Variants in CCNJL observed in about 807,000 individuals in gnomAD.
CCNJL encodes the protein cyclin-J-like protein.
In CCNJL, 33 loss-of-function variants were observed where a neutral mutation model predicts 33.4. The ratio of observed to expected loss-of-function variants is 0.99; its 90% CI spans 0.75 to 1.32. CCNJL has a LOEUF of 1.32. Ranked by LOEUF, CCNJL falls within the 40% of genes most tolerant of loss-of-function variation. The pLI, the probability that CCNJL is intolerant of heterozygous loss-of-function variation, is 0.00. For missense variants in CCNJL, 512 were observed against 499.7 expected, an observed-to-expected ratio of 1.02 and a Z score of -0.23; for synonymous variants, 227 against 220.9, an observed-to-expected ratio of 1.03 and a Z score of -0.24.
Position 160,253,520 on chromosome 5 carries a change from T to A in CCNJL, c.1022A>T (p.Asp341Val). The part of the protein sequence containing the change: ...HTPYQPLQPL[D>V]MCPVPVPASL... ...TGCAGGGACGGGCACGGGACACATATCCAAGGGCTGCAGCGGTTGGTACGG... is the reference window on the plus strand; with the variant it reads ...TGCAGGGACGGGCACGGGACACATAACCAAGGGCTGCAGCGGTTGGTACGG... Residue 341 changes from aspartate to valine, a missense_variant, in exon 6 of 6, where the codon GAT becomes GTT. Asp to Val is a radical substitution (Grantham distance 152). Transcript: ENST00000257536. The A allele has an allele frequency of 1.2e-6, 2 of 1,614,112 alleles. No homozygotes were observed. Among genetic ancestry groups the A allele is most frequent in the Non-Finnish European group, 1.7e-6 (2 of 1,180,020 alleles).
intron 1 of CCNJL, among the ~76,000 whole-genome samples, chr5:160,337,095 C>G (rs890625971): frequency 8.7e-5 from 13 of 149,212 alleles, no homozygotes; most frequent in African/African-American, 3.2e-4. Context: ...CCTCTGCCTC[C>G]TGGGCTCAAG....
intron 1 of CCNJL, among the ~76,000 whole-genome samples, chr5:160,333,991 C>T (rs1010275615): frequency 4.6e-5 from 7 of 152,140 alleles, no homozygotes; most frequent in African/African-American, 1.4e-4. Context: ...ATCCAACAAT[C>T]GTATTCTCCA....
chr5:160,267,142 TGCATCCCGAGGCCCAAC>T (rs1249743860), intron 3 of CCNJL, among the ~76,000 whole-genome samples: 1 of 152,156 alleles, frequency 6.6e-6, no homozygotes, highest in Non-Finnish European at 1.5e-5. Context: ...GGTTCTCTGC[TGCATCCCGAGGCCCAAC>T]GCACAGCAGG....
intron 2 of CCNJL, among the ~76,000 whole-genome samples, chr5:160,299,168 G>C (rs1762846551): frequency 6.7e-6 from 1 of 148,994 alleles, no homozygotes; most frequent in Admixed American, 6.6e-5. Context: ...TTTTTTTTTT[G>C]AGATGAGTTT....
At chr5:160,339,225 G>C (rs1366990235) in intron 1 of CCNJL, among the ~76,000 whole-genome samples, 3 of 150,318 alleles carry the variant, frequency 2.0e-5, no homozygotes, top group African/African-American at 4.9e-5. Context: ...CCAAGACATG[G>C]ATAATACTTA....
chr5:160,264,405 T>A (rs61591335), intron 3 of CCNJL, among the ~76,000 whole-genome samples: 8,678 of 152,082 alleles, frequency 0.057, 330 homozygotes, highest in South Asian at 0.19. Context: ...TAACACCATT[T>A]CCTGAGGCTG....
intron 3 of CCNJL, among the ~76,000 whole-genome samples, chr5:160,275,909 CA>C (rs1459666778): frequency 1.3e-5 from 2 of 152,164 alleles, no homozygotes; most frequent in Non-Finnish European, 2.9e-5. Context: ...AAAATTACCA[CA>C]TGACCCATAA....
rs1458271513 is a variant in CCNJL at position 160,321,070 on chromosome 5, CTT to C, written n.207-5567_207-5566del. On this transcript the variant is annotated intron_variant and non_coding_transcript_variant, in intron 1 of 7. Coordinates refer to the CCNJL transcript ENST00000377503. Reference sequence around the variant, plus strand: ...TCTTTCTTTCTTTCTTTCTTTCTTTCTTTCTTTCTTTCTTTCTTTCCTTCTCT... The same window carrying C: ...TCTTTCTTTCTTTCTTTCTTTCTTTCTCTTTCTTTCTTTCTTTCCTTCTCT... Among the ~76,000 whole-genome samples, 201 of 116,578 alleles carry C rather than the reference CTT, an allele frequency of 1.7e-3. 9 individuals are homozygous for C. The highest frequency in any genetic ancestry group is 9.1e-3 in the African/African-American group (192 of 21,096). The allele number at this position is 116,578 out of a possible 152,430, so 76.5% of individuals were successfully genotyped here.
intron 3 of CCNJL, among the ~76,000 whole-genome samples, chr5:160,273,594 GACAC>G (rs1761911282): frequency 6.6e-6 from 1 of 150,952 alleles, no homozygotes; most frequent in Non-Finnish European, 1.5e-5. Context: ...ATCCATATGG[GACAC>G]ACAGCTCTGT....
upstream of CCNJL, among the ~76,000 whole-genome samples, chr5:160,316,335 C>T (rs1763380263): frequency 6.6e-6 from 1 of 152,150 alleles, no homozygotes; most frequent in Non-Finnish European, 1.5e-5. Context: ...CATCCCTCCA[C>T]CCTCAACCTC....
intron 2 of CCNJL, among the ~76,000 whole-genome samples, chr5:160,287,069 G>A (rs75534708): frequency 0.043 from 6,581 of 152,202 alleles, 504 homozygotes; most frequent in African/African-American, 0.15. Flanking sequence ...TACCTACAGA[G>A]TGTGAGGTCA....
intron 2 of CCNJL, among the ~76,000 whole-genome samples, chr5:160,301,581 G>A (rs747838666): frequency 1.3e-5 from 2 of 151,766 alleles, no homozygotes; most frequent in Non-Finnish European, 2.9e-5. Context: ...CTACAGGCAT[G>A]TGCCACCACG....
intron 2 of CCNJL, among the ~76,000 whole-genome samples, chr5:160,305,454 C>G (rs548793096): frequency 7.9e-5 from 12 of 152,306 alleles, no homozygotes; most frequent in African/African-American, 2.6e-4. Flanking sequence ...TGGCCACTCA[C>G]CAGGGCCAAA....
intron 3 of CCNJL, among the ~76,000 whole-genome samples, chr5:160,267,845 C>T (rs1761670679): frequency 6.6e-6 from 1 of 152,228 alleles, no homozygotes; most frequent in Non-Finnish European, 1.5e-5. Context: ...TACAGGCATG[C>T]ACCACCATGC....
At chr5:160,256,438 G>C (rs879700965) in intron 4 of CCNJL, among the ~76,000 whole-genome samples, 3 of 152,210 alleles carry the variant, frequency 2.0e-5, no homozygotes, top group African/African-American at 7.2e-5. Flanking sequence ...TACTGAATGA[G>C]TGGTTGTAAG....
rs1463070666 is a variant in CCNJL, at chr5:160,319,219, GATCCTC to G, written n.207-3720_207-3715del. 2.0e-5 allele frequency among the ~76,000 whole-genome samples: 3 copies of G among 152,104 alleles called. No individual in the cohort carries two copies. The East Asian group carries it at 5.8e-4, about 29-fold the overall frequency. On this transcript the variant is annotated intron_variant and non_coding_transcript_variant, in intron 1 of 7. Transcript: ENST00000377503. Reference sequence around the variant, plus strand: ...CCTAGAACTCCTGGGTTCAACAAGGGATCCTCCTGCCTCAGCCTTTTGAGTAGCTGG... The same window carrying G: ...CCTAGAACTCCTGGGTTCAACAAGGGCTGCCTCAGCCTTTTGAGTAGCTGG...
chr5:160,255,509 T>C lies in CCNJL; in HGVS notation c.743+40A>G, dbSNP rs773446241. ...GGCAGGCCTCAAGGCAAGAGGAACC[T>C]CACTATTTCAGAAACACAGGATTCA... On this transcript the variant is annotated intron_variant, in intron 5 of 5. Coordinates refer to ENST00000257536, the MANE Select transcript of CCNJL (RefSeq NM_001308173.3). The C allele has an allele frequency of 1.9e-6, 3 of 1,601,682 alleles. No homozygotes were observed. The South Asian group carries it at 3.3e-5, about 18-fold the overall frequency.
Position 160,252,673 on chromosome 5 carries a change from TTTG to T in CCNJL, c.*702_*704del, listed in dbSNP as rs2113187241. The T allele has an allele frequency of 6.6e-6, 1 of 152,652 alleles. No homozygotes were observed. The highest frequency in any genetic ancestry group is 1.9e-4 in the East Asian group (1 of 5,200). 9.5% of individuals were successfully genotyped at this position (152,652 alleles called of 1,614,324 possible). On this transcript the variant is annotated 3_prime_UTR_variant, in exon 6 of 6. Coordinates refer to ENST00000257536, the MANE Select transcript of CCNJL (RefSeq NM_001308173.3). ...TGGGACAGGCAGTGTGGCAATTAAA[TTTG>T]TTTTTTTCTCCAAAGGAATTTTCAA...
intron 2 of CCNJL, among the ~76,000 whole-genome samples, chr5:160,283,932 T>C (rs1173773435): frequency 6.6e-6 from 1 of 152,214 alleles, no homozygotes; most frequent in Non-Finnish European, 1.5e-5. Flanking sequence ...GTTCCATCCA[T>C]GTTGCAAATG....
Sources: gnomAD v4.1 joint callset for allele counts (sites outside exome capture counted in the v4.1 genomes callset) on GRCh38, gnomAD v4.1.1 for gene constraint, MANE v1.5 for transcripts, NCBI Gene and HGNC (gene_info 2026-07-23, HGNC 2026-07-21) for gene names.